ATF6: variants seen among roughly 807,000 people sequenced by gnomAD.
ATF6 encodes cyclic AMP-dependent transcription factor ATF-6 alpha.
A neutral mutation model predicts 83.6 loss-of-function variants in ATF6; 53 were observed. The ratio of observed to expected loss-of-function variants is 0.63; its 90% confidence interval spans 0.51 to 0.80. ATF6 has a LOEUF of 0.80. Ranked by LOEUF, ATF6 falls within the 30% of genes least tolerant of loss-of-function variation. ATF6 has a pLI of 0.00. For synonymous variants in ATF6, 288 were observed against 285.8 expected, an observed-to-expected ratio of 1.01 and a Z score of -0.08; for missense variants, 744 against 797.9, an observed-to-expected ratio of 0.93 and a Z score of 0.81.
intron 15 of ATF6, among the ~76,000 whole-genome samples, chr1:161,945,996 T>A (rs904760053): frequency 8.5e-5 from 13 of 152,184 alleles, no homozygotes; most frequent in African/African-American, 3.1e-4. Flanking sequence ...AGAGTCTGTT[T>A]TTGTTTTGTT....
At chr1:161,843,046 C>A (rs1686395566) in intron 9 of ATF6, among the ~76,000 whole-genome samples, 1 of 152,174 alleles carries the variant, frequency 6.6e-6, no homozygotes, top group Non-Finnish European at 1.5e-5. Flanking sequence ...ATGGCTGGAG[C>A]CTATCCTGGT....
At chr1:161,797,734 G>A (rs977915394) in intron 6 of ATF6, among the ~76,000 whole-genome samples, 1 of 152,106 alleles carries the variant, frequency 6.6e-6, no homozygotes, top group African/African-American at 2.4e-5. Context: ...TGTTAAAATG[G>A]CCATACTGCT....
chr1:161,859,729 G>T (rs1345933995), intron 12 of ATF6, among the ~76,000 whole-genome samples: 1 of 151,554 alleles, frequency 6.6e-6, no homozygotes, highest in African/African-American at 2.4e-5. Context: ...CTCTTGCCAA[G>T]AGTCATCAAT....
At chr1:161,874,406 T>A (rs1687169022) in intron 14 of ATF6, among the ~76,000 whole-genome samples, 1 of 151,714 alleles carries the variant, frequency 6.6e-6, no homozygotes. Flanking sequence ...AGACTATCTT[T>A]TGAATAATTT....
intron 7 of ATF6, among the ~76,000 whole-genome samples, chr1:161,810,993 G>T (rs1685441125): frequency 6.6e-6 from 1 of 151,892 alleles, no homozygotes; most frequent in African/African-American, 2.4e-5. Context: ...CCACATTTTT[G>T]ATAATCCATT....
chr1:161,884,198 A>C (rs7532457), intron 14 of ATF6, among the ~76,000 whole-genome samples: 14,712 of 152,046 alleles, frequency 0.097, 1,267 homozygotes, highest in East Asian at 0.32. Flanking sequence ...TTTTTATTTT[A>C]CTGCAGTTTT....
Position 161,958,644 on chromosome 1 carries a change from C to T in ATF6, c.2003C>T (p.Ser668Leu). 1 of 1,611,732 alleles carries T rather than the reference C, an allele frequency of 6.2e-7. No homozygotes were observed. Among genetic ancestry groups the T allele is most frequent in the Non-Finnish European group, 8.5e-7 (1 of 1,178,882 alleles). Residue 668 changes from serine (S) to leucine (L), a missense_variant, in exon 16 of 16, where the codon TCA (serine) becomes TTA (leucine). Transcript: ENST00000367942. ...ATHVVSTIPE[S>L]LQ is the part of the protein sequence containing the mutation. ...CACGTTGTCAGCACCATCCCTGAGT[C>T]ATTACAATAGCACCCTGCAGCTATG...
chr1:161,816,361 T>G (rs2101777915), intron 7 of ATF6, among the ~76,000 whole-genome samples: 1 of 152,342 alleles, frequency 6.6e-6, no homozygotes, highest in South Asian at 2.1e-4. Context: ...ACAGAGAGAT[T>G]AGGCTTCCAG....
intron 15 of ATF6, among the ~76,000 whole-genome samples, chr1:161,914,265 C>G (rs1039121967): frequency 6.6e-6 from 1 of 152,144 alleles, no homozygotes; most frequent in African/African-American, 2.4e-5. Flanking sequence ...TTTCCCCTTC[C>G]TCATGTACCT....
At chr1:161,912,548 T>C (rs572189540) in intron 15 of ATF6, among the ~76,000 whole-genome samples, 168 bp downstream of exon 15, 1 of 152,322 alleles carries the variant, frequency 6.6e-6, no homozygotes, top group African/African-American at 2.4e-5. Flanking sequence ...CCATTATTCT[T>C]TTAAAAAAAA....
chr1:161,941,940 G>T (rs935862652), intron 15 of ATF6, among the ~76,000 whole-genome samples: 1 of 151,596 alleles, frequency 6.6e-6, no homozygotes, highest in African/African-American at 2.4e-5. Context: ...TCGAAGTCAC[G>T]TCCTACTCCT....
intron 9 of ATF6, among the ~76,000 whole-genome samples, chr1:161,837,632 T>TA (rs1686255296): frequency 6.6e-6 from 1 of 151,944 alleles, no homozygotes; most frequent in Non-Finnish European, 1.5e-5. Flanking sequence ...ATTTTTTTTT[T>TA]TTTGGTAAAT....
At chr1:161,842,858 G>A (rs74125022) in intron 9 of ATF6, among the ~76,000 whole-genome samples, 16,748 of 152,244 alleles carry the variant, frequency 0.11, 1,854 homozygotes, top group African/African-American at 0.28. Context: ...TGTTTTCAAA[G>A]TGAAAGGAGC....
At chr1:161,840,055 A>G (rs1217990835) in intron 9 of ATF6, 1 of 152,226 alleles carries the variant, frequency 6.6e-6, no homozygotes, top group African/African-American at 2.4e-5. Context: ...CTATGTTGCC[A>G]CTAGCCTGAA....
intron 9 of ATF6, among the ~76,000 whole-genome samples, chr1:161,824,494 T>C (rs920130023): frequency 2.0e-5 from 3 of 152,152 alleles, no homozygotes; most frequent in Admixed American, 6.5e-5. Flanking sequence ...CGCCTTTCTT[T>C]CTTCATTTTT....
At chr1:161,883,822 T>G (rs1216358783) in intron 14 of ATF6, among the ~76,000 whole-genome samples, 1 of 152,036 alleles carries the variant, frequency 6.6e-6, no homozygotes, top group Non-Finnish European at 1.5e-5. Flanking sequence ...CACCTTGACA[T>G]TTTTATATAT....
chr1:161,832,621 C>T (rs1686093662), intron 9 of ATF6, among the ~76,000 whole-genome samples: 1 of 152,246 alleles, frequency 6.6e-6, no homozygotes, highest in African/African-American at 2.4e-5. Context: ...CAGCACCTGA[C>T]TTGGAGGGTC....
At chr1:161,931,064 G>A (rs1688423362) in intron 15 of ATF6, among the ~76,000 whole-genome samples, 1 of 152,034 alleles carries the variant, frequency 6.6e-6, no homozygotes, top group Non-Finnish European at 1.5e-5. Flanking sequence ...AGTAGAGACG[G>A]GAGTTTCACC....
At chr1:161,799,342 T>C (rs1685090263) in intron 6 of ATF6, among the ~76,000 whole-genome samples, 1 of 152,174 alleles carries the variant, frequency 6.6e-6, no homozygotes, top group Non-Finnish European at 1.5e-5. Flanking sequence ...GAAAACCAAA[T>C]ACTTCATGTT....
Sources: allele counts gnomAD v4.1 joint callset (sites outside exome capture counted in the v4.1 genomes callset), GRCh38; gene constraint gnomAD v4.1.1; transcripts MANE v1.5; gene names NCBI Gene and HGNC (gene_info 2026-07-23, HGNC 2026-07-21).